Variants in SPAG9 observed in about 807,000 individuals in gnomAD.
The protein encoded by SPAG9 is C-Jun-amino-terminal kinase-interacting protein 4.
A neutral mutation model predicts 166.5 loss-of-function variants in SPAG9; 35 were observed. That is an observed-to-expected ratio of 0.21 (90% CI 0.16 to 0.28). SPAG9 has a LOEUF of 0.28. Ranked by LOEUF, SPAG9 falls within the 10% of genes least tolerant of loss-of-function variation. SPAG9 has a pLI of 1.00. For missense variants in SPAG9, 1,235 were observed against 1,603.3 expected (o/e 0.77, Z 3.92); for synonymous variants, 534 against 565.5 (o/e 0.94, Z 0.79).
intron 5 of SPAG9, among the ~76,000 whole-genome samples, chr17:51,037,076 T>A (rs2046615279): frequency 6.6e-6 from 1 of 152,112 alleles, no homozygotes; most frequent in East Asian, 1.9e-4. Context: ...TTTTGTCCAT[T>A]CTCAGTCTTA....
chr17:51,089,657 T>TACACAC (rs1486393423), intron 1 of SPAG9, among the ~76,000 whole-genome samples: 1 of 105,068 alleles, frequency 9.5e-6, no homozygotes, highest in African/African-American at 3.9e-5. Flanking sequence ...TATATATATA[T>TACACAC]ATATATACAC....
intron 9 of SPAG9, chr17:51,009,283 C>A: frequency 2.9e-6 from 1 of 340,066 alleles, no homozygotes; most frequent in Non-Finnish European, 5.7e-6. Context: ...ATTAACTAAA[C>A]ACAATGAAGT....
intron 6 of SPAG9, 91 bp downstream of exon 6, chr17:51,031,590 C>A: frequency 1.1e-6 from 1 of 902,500 alleles, no homozygotes; most frequent in Non-Finnish European, 1.8e-6. Context: ...AGCTGAGCAT[C>A]TGATGTCTTG....
At chr17:51,099,574 C>T (rs887391732) in intron 1 of SPAG9, among the ~76,000 whole-genome samples, 2 of 151,524 alleles carry the variant, frequency 1.3e-5, no homozygotes, top group Non-Finnish European at 2.9e-5. Flanking sequence ...GAATGCTCTA[C>T]CTGTGTTATG....
chr17:51,020,409 T>C (rs1170536662), intron 7 of SPAG9, 151 bp from the exon 8 acceptor site: 10 of 583,280 alleles, frequency 1.7e-5, no homozygotes, highest in Non-Finnish European at 3.0e-5. Context: ...CATTATACAA[T>C]ATATCACATA....
chr17:51,013,095 A>G (rs1351104414), intron 9 of SPAG9, among the ~76,000 whole-genome samples: 1 of 152,226 alleles, frequency 6.6e-6, no homozygotes, highest in African/African-American at 2.4e-5. Flanking sequence ...CAAGGACATA[A>G]CTGGCAATCA....
intron 1 of SPAG9, among the ~76,000 whole-genome samples, chr17:51,108,970 C>T (rs943255100): frequency 2.8e-4 from 43 of 151,526 alleles, no homozygotes; most frequent in African/African-American, 1.0e-3. Context: ...TCAAGCGATT[C>T]TCCTGCCTCA....
At chr17:50,982,750 T>C in intron 24 of SPAG9, 78 bp from the exon 25 acceptor site, 3 of 1,274,436 alleles carry the variant, frequency 2.4e-6, no homozygotes, top group Non-Finnish European at 2.2e-6. Flanking sequence ...TTTTATTTGT[T>C]GTATAATTAA....
chr17:51,037,685 A>ATATATATATAGTGT lies in SPAG9; in HGVS notation c.741+3815_741+3816insACACTATATATATA. ...GTGTTTTATATATATATATATATAT[A>ATATATATATAGTGT]GTGTGTGTGTGTGTGTGTGTGTGTG... On this transcript the variant is annotated intron_variant, in intron 5 of 29. Transcript: ENST00000262013. 2.7e-3 allele frequency among the ~76,000 whole-genome samples: 229 copies of ATATATATATAGTGT among 83,492 alleles called. 6 individuals are homozygous for ATATATATATAGTGT. The highest frequency in any genetic ancestry group is 3.9e-3 in the Non-Finnish European group (152 of 38,710). 54.8% of individuals were successfully genotyped at this position (83,492 alleles called of 152,430 possible).
chr17:51,012,598 A>G (rs954341905), intron 9 of SPAG9, among the ~76,000 whole-genome samples: 2 of 151,916 alleles, frequency 1.3e-5, no homozygotes. Context: ...CAACTTTCTT[A>G]GCCCTCCATG....
intron 19 of SPAG9, among the ~76,000 whole-genome samples, chr17:50,991,263 C>T (rs1243861499): frequency 6.6e-6 from 1 of 151,976 alleles, no homozygotes; most frequent in Non-Finnish European, 1.5e-5. Context: ...TTATATCTGA[C>T]AACATCAGCC....
chr17:51,039,684 G>A (rs1453887934), intron 5 of SPAG9, among the ~76,000 whole-genome samples: 1 of 152,152 alleles, frequency 6.6e-6, no homozygotes, highest in Non-Finnish European at 1.5e-5. Context: ...TTTATAAGTT[G>A]TCAATAAAGT....
chr17:50,965,271 T>C lies in SPAG9; in HGVS notation c.*1001A>G, dbSNP rs1973305341. On this transcript the variant is annotated 3_prime_UTR_variant, in exon 30 of 30. Coordinates refer to ENST00000262013, the MANE Select transcript of SPAG9 (RefSeq NM_001130528.3). ...CAGTTTGATACAGAACAAAAGAAAA[T>C]AACTTTTCTAATTAAATCCCTCATT... 1 of 151,918 alleles carries C rather than the reference T, an allele frequency of 6.6e-6. No individual in the cohort carries two copies. Among genetic ancestry groups the C allele is most frequent in the Admixed American group, 6.6e-5 (1 of 15,256 alleles). The allele number at this position is 151,918 out of a possible 1,614,324, so 9.4% of individuals were successfully genotyped here. A position where few individuals can be genotyped will look rare whatever the true frequency, so the allele number is the denominator to read the frequency against.
Position 50,964,913 on chromosome 17 carries a change from C to A in SPAG9, c.*1359G>T. On this transcript the variant is annotated 3_prime_UTR_variant, in exon 30 of 30. Transcript: ENST00000262013. ...GACTACAGGCATGTGCCACCACACC[C>A]GGTTAATTTATTTTGTTTTTTTTTT... 1 of 195,246 alleles carries A rather than the reference C, an allele frequency of 5.1e-6. No homozygotes were observed. The highest frequency in any genetic ancestry group is 1.1e-5 in the Non-Finnish European group (1 of 90,630). 12.1% of individuals were successfully genotyped at this position (195,246 alleles called of 1,614,324 possible).
chr17:51,066,639 G>A (rs2047679443), intron 2 of SPAG9, among the ~76,000 whole-genome samples: 1 of 149,988 alleles, frequency 6.7e-6, no homozygotes, highest in African/African-American at 2.5e-5. Flanking sequence ...GGCAGATCAC[G>A]AGGTCAGGAG....
chr17:51,118,907 G>C (rs553173701), intron 1 of SPAG9, among the ~76,000 whole-genome samples: 1 of 151,974 alleles, frequency 6.6e-6, no homozygotes, highest in African/African-American at 2.4e-5. Flanking sequence ...AATGAGCGGG[G>C]AGTGTTGTCC....
At chr17:50,993,975 T>A (rs1351841471) in intron 18 of SPAG9, 40 bp from the exon 19 acceptor site, 1 of 1,525,744 alleles carries the variant, frequency 6.6e-7, no homozygotes, top group Non-Finnish European at 9.0e-7. Context: ...AAACAATATG[T>A]ATGTACAAAT....
chr17:51,049,377 A>G lies in SPAG9; in HGVS notation c.496-1908T>C, dbSNP rs148216590. Reference sequence around the variant, plus strand: ...ATGAGACCCCTCAAAAAAAAAAACCACTTTAAAAATAAAAGAGGTCAGGTG... The same window carrying G: ...ATGAGACCCCTCAAAAAAAAAAACCGCTTTAAAAATAAAAGAGGTCAGGTG... On this transcript the variant is annotated intron_variant, in intron 3 of 29. Coordinates refer to ENST00000262013, the MANE Select transcript of SPAG9 (RefSeq NM_001130528.3). Among the ~76,000 whole-genome samples, 924 of 150,892 alleles carry G rather than the reference A, an allele frequency of 6.1e-3. 5 individuals are homozygous for G. Among genetic ancestry groups the G allele is most frequent in the Non-Finnish European group, 0.01 (680 of 67,732 alleles).
intron 27 of SPAG9, chr17:50,975,189 T>C (rs1974124178): frequency 2.3e-6 from 1 of 430,838 alleles, no homozygotes; most frequent in Non-Finnish European, 4.1e-6. Context: ...TAAGCTTATT[T>C]TTTAAACACA....
Sources: allele counts gnomAD v4.1 joint callset (sites outside exome capture counted in the v4.1 genomes callset), GRCh38; gene constraint gnomAD v4.1.1; transcripts MANE v1.5; gene names NCBI Gene and HGNC (gene_info 2026-07-23, HGNC 2026-07-21).